Variants in SIPA1L2 observed in about 807,000 individuals in gnomAD.
The protein encoded by SIPA1L2 is signal induced proliferation associated 1 like 2.
SIPA1L2 carries 56 observed loss-of-function variants against 163.9 expected under a neutral mutation model. The observed-to-expected ratio is 0.34, with a 90% CI of 0.28 to 0.43. SIPA1L2 has a LOEUF of 0.43. SIPA1L2 is among the 20% of genes least tolerant of loss of function. The probability of loss-of-function intolerance (pLI) is 1.00; values close to 1 mark genes in which losing one functional copy is unlikely to be tolerated. For missense variants in SIPA1L2, 1,974 were observed against 2,193.5 expected, an observed-to-expected ratio of 0.90 and a Z score of 2.00; for synonymous variants, 877 against 865.7, an observed-to-expected ratio of 1.01 and a Z score of -0.23.
intron 6 of SIPA1L2, among the ~76,000 whole-genome samples, chr1:232,480,154 C>CGTGTGTGTGTGTGT (rs536840154): frequency 3.6e-4 from 48 of 132,740 alleles, no homozygotes; most frequent in African/African-American, 1.3e-3. Context: ...TGTGTGTGTG[C>CGTGTGTGTGTGTGT]GTGTGTGTGT....
rs757200254 is a variant in SIPA1L2, at chr1:232,439,136, C to T, written c.4003G>A (p.Asp1335Asn). 7.4e-6 allele frequency: 12 copies of T among 1,610,980 alleles called. No homozygotes were observed. In the East Asian group the frequency reaches 1.8e-4, roughly 24 times the overall value. Residue 1335 changes from aspartate (D) to asparagine (N), a missense_variant, in exon 15 of 23, where the codon GAT (aspartate) becomes AAT (asparagine). Asp to Asn is a conservative substitution (Grantham distance 23). This residue lies in a region of SIPA1L2 where 1,079 missense variants were observed against 1,150.7 expected (regional missense o/e 0.94). Coordinates refer to ENST00000674635, the MANE Select transcript of SIPA1L2 (RefSeq NM_020808.5). ...GAATGAGAGGATATCTCACTGAGAT[C>T]GCCCATGCTGCCTTCCGCAGCACTG... ...AGSAAEGSMG[D>N]LSEISSHSSG... is the part of the protein sequence containing the mutation.
At chr1:232,468,531 C>A (rs1383001143) in intron 8 of SIPA1L2, among the ~76,000 whole-genome samples, 1 of 152,158 alleles carries the variant, frequency 6.6e-6, no homozygotes, top group African/African-American at 2.4e-5. Context: ...TAGTATCATA[C>A]CCAAAAGCCC....
chr1:232,552,952 G>A (rs1300562726), intron 2 of SIPA1L2, among the ~76,000 whole-genome samples: 1 of 152,138 alleles, frequency 6.6e-6, no homozygotes, highest in Non-Finnish European at 1.5e-5. Context: ...ATCTAGGGGT[G>A]GGTGCCTGCG....
intron 1 of SIPA1L2, among the ~76,000 whole-genome samples, chr1:232,584,120 C>G (rs1573123740): frequency 6.6e-6 from 1 of 151,768 alleles, no homozygotes; most frequent in Non-Finnish European, 1.5e-5. Context: ...TGCACCATAC[C>G]CAGAAGGAAG....
chr1:232,502,763 G>A (rs1362425585), intron 3 of SIPA1L2, among the ~76,000 whole-genome samples: 4 of 152,154 alleles, frequency 2.6e-5, no homozygotes, highest in Non-Finnish European at 4.4e-5. Flanking sequence ...AATGCTTTTG[G>A]TTTCACCAAA....
intron 1 of SIPA1L2, among the ~76,000 whole-genome samples, chr1:232,583,078 G>T (rs1193564744): frequency 6.6e-6 from 1 of 152,166 alleles, no homozygotes; most frequent in East Asian, 1.9e-4. Context: ...TGGTGCTCTT[G>T]TTCTCACACT....
chr1:232,587,959 C>CCCAGCCATGTGGTACTGTGGGT (rs1259227849), intron 1 of SIPA1L2, among the ~76,000 whole-genome samples: 4 of 152,314 alleles, frequency 2.6e-5, no homozygotes, highest in Non-Finnish European at 4.4e-5. Flanking sequence ...GTGAGGCCTC[C>CCCAGCCATGTGGTACTGTGGGT]CCAGCCATGT....
chr1:232,419,860 C>A (rs1481482981), intron 18 of SIPA1L2, among the ~76,000 whole-genome samples: 2 of 152,178 alleles, frequency 1.3e-5, no homozygotes, highest in African/African-American at 2.4e-5. Context: ...CCCCCATCAC[C>A]CAGATGATGT....
At chr1:232,471,871 C>A (rs12410681) in intron 7 of SIPA1L2, among the ~76,000 whole-genome samples, 38,246 of 152,056 alleles carry the variant, frequency 0.25, 4,937 homozygotes, top group Admixed American at 0.35. Context: ...AAGCTCTAGA[C>A]GACAAAGTCC....
chr1:232,496,213 C>A (rs1043310977), intron 3 of SIPA1L2, among the ~76,000 whole-genome samples: 2 of 151,296 alleles, frequency 1.3e-5, no homozygotes, highest in East Asian at 4.5e-4. Flanking sequence ...TTTACTATAC[C>A]TTTTCTATGT....
At position 232,580,668 on chromosome 1, in the gene SIPA1L2, A is replaced by C. The variant is rs573542494; in HGVS notation, c.-318-6446T>G. 1.4e-4 allele frequency among the ~76,000 whole-genome samples: 21 copies of C among 152,212 alleles called. No homozygotes were observed. In the South Asian group the frequency reaches 4.4e-3, roughly 32 times the overall value. Reference sequence around the variant, plus strand: ...CAGCCCTCAGACAGAATGGATGGTAAATTTTTTTTCAGACCTTTATAGGTG... The same window carrying C: ...CAGCCCTCAGACAGAATGGATGGTACATTTTTTTTCAGACCTTTATAGGTG... On this transcript the variant is annotated intron_variant, in intron 1 of 22. Coordinates refer to ENST00000674635, the MANE Select transcript of SIPA1L2 (RefSeq NM_020808.5).
At chr1:232,602,285 A>G (rs1159291303) in intron 1 of SIPA1L2, among the ~76,000 whole-genome samples, 1 of 152,178 alleles carries the variant, frequency 6.6e-6, no homozygotes, top group African/African-American at 2.4e-5. Flanking sequence ...CCTACAGTCC[A>G]TGCTGAGGGG....
chr1:232,618,653 CA>C (rs56213704), intron 1 of SIPA1L2, among the ~76,000 whole-genome samples: 58,752 of 119,584 alleles, frequency 0.49, 11,914 homozygotes, highest in African/African-American at 0.56. Context: ...GACTCCATCT[CA>C]AAAAAAAAAA....
At chr1:232,511,470 T>G (rs1261297504) in intron 3 of SIPA1L2, among the ~76,000 whole-genome samples, 1 of 152,214 alleles carries the variant, frequency 6.6e-6, no homozygotes, top group Admixed American at 6.5e-5. Flanking sequence ...TGTCATAATG[T>G]GATTACAAAA....
intron 10 of SIPA1L2, among the ~76,000 whole-genome samples, chr1:232,455,633 G>C (rs1219195341): frequency 1.4e-5 from 2 of 146,676 alleles, no homozygotes; most frequent in Non-Finnish European, 3.0e-5. Flanking sequence ...GCGAGGCGGA[G>C]CTTGCAGCGA....
intron 16 of SIPA1L2, among the ~76,000 whole-genome samples, chr1:232,429,379 C>T (rs1485889156): frequency 6.6e-6 from 1 of 152,192 alleles, no homozygotes; most frequent in Non-Finnish European, 1.5e-5. Flanking sequence ...AATGTTATTG[C>T]TGTGTGCCTC....
intron 1 of SIPA1L2, among the ~76,000 whole-genome samples, chr1:232,598,234 TGTTAA>T (rs761094446): frequency 0.019 from 2,500 of 131,310 alleles, 29 homozygotes; most frequent in Middle Eastern, 0.043. Flanking sequence ...AAACCCTGTC[TGTTAA>T]AAAAAAAAAA....
At chr1:232,449,085 A>C (rs897774719) in intron 10 of SIPA1L2, among the ~76,000 whole-genome samples, 4 of 151,972 alleles carry the variant, frequency 2.6e-5, no homozygotes, top group African/African-American at 9.7e-5. Context: ...CCATCCAATC[A>C]CTCTGCAGTG....
At chr1:232,549,085 A>G (rs921226068) in intron 2 of SIPA1L2, among the ~76,000 whole-genome samples, 6 of 152,208 alleles carry the variant, frequency 3.9e-5, no homozygotes, top group Non-Finnish European at 5.9e-5. Context: ...TTTGCACACC[A>G]AAAGGGACAT....
Sources: allele counts gnomAD v4.1 joint callset (sites outside exome capture counted in the v4.1 genomes callset), GRCh38; gene constraint gnomAD v4.1.1; regional missense constraint gnomAD v4.1.1; transcripts MANE v1.5; gene names NCBI Gene and HGNC (gene_info 2026-07-23, HGNC 2026-07-21).